Variants in CCSER1 observed in about 807,000 individuals in gnomAD.
CCSER1 encodes serine-rich coiled-coil domain-containing protein 1.
Under a neutral mutation model 82.0 loss-of-function variants are expected in CCSER1, and 41 were observed. The ratio of observed to expected loss-of-function variants is 0.50; its 90% CI spans 0.39 to 0.65. CCSER1 has a LOEUF of 0.65. CCSER1 is among the 30% of genes least tolerant of loss of function. The pLI is 0.00. For synonymous variants in CCSER1, 414 were observed against 383.9 expected, an observed-to-expected ratio of 1.08 and a Z score of -0.92; for missense variants, 1,119 against 1,064.2, an observed-to-expected ratio of 1.05 and a Z score of -0.72.
chr4:90,563,402 G>A (rs747778022), intron 5 of CCSER1, among the ~76,000 whole-genome samples: 2 of 151,994 alleles, frequency 1.3e-5, no homozygotes, highest in Admixed American at 6.6e-5. Context: ...GCACCATTGC[G>A]CCCTGCCCCA....
rs1156803291 is a variant in CCSER1 at position 91,156,937 on chromosome 4, G to T, written c.2217+70943G>T. Among the ~76,000 whole-genome samples, 8 of 151,976 alleles carry T rather than the reference G, an allele frequency of 5.3e-5. No individual in the cohort carries two copies. The East Asian group carries it at 9.7e-4, about 18-fold the overall frequency. On this transcript the variant is annotated intron_variant, in intron 10 of 10. Transcript: ENST00000509176. Reference sequence around the variant, plus strand: ...TATAGCAGTGATACTTACAAAAAAAGAAATCCTTCCATCTCTATATTTTCT... The same window carrying T: ...TATAGCAGTGATACTTACAAAAAAATAAATCCTTCCATCTCTATATTTTCT...
chr4:91,160,706 G>A (rs1288364167), intron 10 of CCSER1, among the ~76,000 whole-genome samples: 2 of 152,122 alleles, frequency 1.3e-5, no homozygotes, highest in Non-Finnish European at 2.9e-5. Flanking sequence ...TTTGAGAAGT[G>A]TCTGTACATA....
intron 10 of CCSER1, among the ~76,000 whole-genome samples, chr4:91,275,462 A>G (rs1379351393): frequency 2.6e-5 from 4 of 151,968 alleles, no homozygotes; most frequent in Non-Finnish European, 5.9e-5. Context: ...GGCCATTTTT[A>G]TGTCTTCTTC....
intron 7 of CCSER1, among the ~76,000 whole-genome samples, chr4:90,789,881 C>A (rs903458936): frequency 6.6e-6 from 1 of 152,110 alleles, no homozygotes; most frequent in Non-Finnish European, 1.5e-5. Flanking sequence ...TACTATATTT[C>A]TTCGGCTGGA....
chr4:90,274,239 A>C (rs778952215), intron 1 of CCSER1, among the ~76,000 whole-genome samples: 5 of 152,180 alleles, frequency 3.3e-5, no homozygotes, highest in Non-Finnish European at 7.4e-5. Context: ...GGTTAAGGGC[A>C]CAAGAGGCAT....
intron 5 of CCSER1, among the ~76,000 whole-genome samples, chr4:90,529,812 A>T (rs952903481): frequency 1.3e-5 from 2 of 151,962 alleles, no homozygotes; most frequent in African/African-American, 2.4e-5. Context: ...ATTACAAACT[A>T]CTACATGAGG....
intron 9 of CCSER1, among the ~76,000 whole-genome samples, chr4:90,964,507 C>T (rs1734349180): frequency 6.6e-6 from 1 of 151,134 alleles, no homozygotes; most frequent in Non-Finnish European, 1.5e-5. Context: ...GGGCAGATCA[C>T]GAGGTCAGGA....
intron 7 of CCSER1, among the ~76,000 whole-genome samples, chr4:90,739,582 G>C (rs1201286987): frequency 6.6e-6 from 1 of 152,158 alleles, no homozygotes. Flanking sequence ...AGTTTATTTA[G>C]TACCCCCAAG....
chr4:91,255,337 C>T (rs1740603465), intron 10 of CCSER1, among the ~76,000 whole-genome samples: 2 of 152,270 alleles, frequency 1.3e-5, no homozygotes, highest in South Asian at 4.1e-4. Context: ...ACAATAATGT[C>T]TCACATGTTA....
rs533595412 is a variant in CCSER1, at chr4:91,050,259, T to C, written c.2173-35691T>C. Among the ~76,000 whole-genome samples, 98 of 152,174 alleles carry C rather than the reference T, an allele frequency of 6.4e-4. 1 individual carries two copies. Among genetic ancestry groups the C allele is most frequent in the Non-Finnish European group, 1.3e-3 (85 of 68,000 alleles). On this transcript the variant is annotated intron_variant, in intron 9 of 10. Coordinates refer to ENST00000509176, the MANE Select transcript of CCSER1 (RefSeq NM_001145065.2). ...CAGCCTGGCCAATCTGGTGAAACCC[T>C]GTCTCTATTAAAAATACAAAAATGA...
chr4:90,777,141 A>C (rs1753008747), intron 7 of CCSER1, among the ~76,000 whole-genome samples: 1 of 151,920 alleles, frequency 6.6e-6, no homozygotes, highest in African/African-American at 2.4e-5. Context: ...GGATCACCTG[A>C]GGGTCAAGAG....
chr4:90,737,148 C>T (rs539924794), intron 7 of CCSER1, among the ~76,000 whole-genome samples: 1 of 152,136 alleles, frequency 6.6e-6, no homozygotes, highest in Non-Finnish European at 1.5e-5. Flanking sequence ...AGTTTATGTA[C>T]CATAGTTACG....
At chr4:90,484,479 T>A (rs1264379765) in intron 5 of CCSER1, among the ~76,000 whole-genome samples, 1 of 152,212 alleles carries the variant, frequency 6.6e-6, no homozygotes, top group Admixed American at 6.5e-5. Flanking sequence ...TTTTCTGCTC[T>A]GTTTTTTCCC....
rs898102136 is a variant in CCSER1, at chr4:90,246,962, C to T, written c.-41-61282C>T. Among the ~76,000 whole-genome samples, 7 of 151,782 alleles carry T rather than the reference C, an allele frequency of 4.6e-5. No homozygotes were observed. The East Asian group carries it at 5.8e-4, about 13-fold the overall frequency. On this transcript the variant is annotated intron_variant, in intron 1 of 10. Transcript: ENST00000509176. ...TGACATATCCAAATGGCCAGCATCA[C>T]GGGGGCCATTATTAAGTAAAAAAAA...
At chr4:90,292,064 A>G (rs1731035263) in intron 1 of CCSER1, among the ~76,000 whole-genome samples, 1 of 151,974 alleles carries the variant, frequency 6.6e-6, no homozygotes, top group Admixed American at 6.6e-5. Flanking sequence ...TTACATTAGC[A>G]ATTAAAGTAA....
chr4:90,212,410 GACTTT>G (rs1740198466), intron 1 of CCSER1, among the ~76,000 whole-genome samples: 2 of 151,970 alleles, frequency 1.3e-5, no homozygotes, highest in African/African-American at 4.8e-5. Context: ...CATCTTAAGG[GACTTT>G]ACTTTCTCTG....
intron 10 of CCSER1, among the ~76,000 whole-genome samples, chr4:91,245,650 G>A (rs1005965476): frequency 3.9e-5 from 6 of 152,134 alleles, no homozygotes; most frequent in African/African-American, 1.4e-4. Flanking sequence ...GCTAAAGGGA[G>A]TATTTCAATC....
chr4:91,558,336 G>T (rs755391102), intron 10 of CCSER1, among the ~76,000 whole-genome samples: 2 of 151,524 alleles, frequency 1.3e-5, no homozygotes, highest in African/African-American at 4.8e-5. Flanking sequence ...CATAGCTAGC[G>T]TATTGTTTTT....
intron 1 of CCSER1, among the ~76,000 whole-genome samples, chr4:90,170,321 T>A (rs1578305959): frequency 6.6e-6 from 1 of 151,972 alleles, no homozygotes. Flanking sequence ...ACAGATAATA[T>A]GTATATTGTT....
Sources: gnomAD v4.1 joint callset for allele counts (sites outside exome capture counted in the v4.1 genomes callset) on GRCh38, gnomAD v4.1.1 for gene constraint, MANE v1.5 for transcripts, NCBI Gene and HGNC (gene_info 2026-07-23, HGNC 2026-07-21) for gene names.